The following NUDT3 variants were observed in gnomAD, a reference collection of about 807,000 sequenced individuals.
The protein encoded by NUDT3 is diphosphoinositol polyphosphate phosphohydrolase 1.
Under a neutral mutation model 23.6 loss-of-function variants are expected in NUDT3, and 9 were observed. That is an observed-to-expected ratio of 0.38 (90% CI 0.23 to 0.66). The LOEUF (loss-of-function observed/expected upper bound fraction) is 0.66. Ranked by LOEUF, NUDT3 falls within the 30% of genes least tolerant of loss-of-function variation. The pLI is 0.52. For missense variants in NUDT3, 172 were observed against 218.5 expected (o/e 0.79, Z 1.34); for synonymous variants, 86 against 82.6 (o/e 1.04, Z -0.22).
rs957166787 is a variant in NUDT3 at position 34,382,072 on chromosome 6, CAAAAAAAAAAA to C, written c.99+10181_99+10191del. Among the ~76,000 whole-genome samples the C allele has an allele frequency of 1.6e-3, 57 of 34,958 alleles. 2 individuals are homozygous for C. In the East Asian group the frequency reaches 0.047, roughly 29 times the overall value. The allele number at this position is 34,958 out of a possible 152,430, so 22.9% of individuals were successfully genotyped here. ...TGAGCGACAGAGCGAGACTCTATCT[CAAAAAAAAAAA>C]AAAAAAAAAAAAAAAATTAAATAAT... On this transcript the variant is annotated intron_variant, in intron 1 of 4. Coordinates refer to ENST00000607016, the MANE Select transcript of NUDT3 (RefSeq NM_006703.4).
At chr6:34,391,227 C>T (rs73403959) in intron 1 of NUDT3, among the ~76,000 whole-genome samples, 1,657 of 152,292 alleles carry the variant, frequency 0.011, 23 homozygotes, top group African/African-American at 0.036. Context: ...CTGCACTGTA[C>T]TGCGGCCCTG....
intron 1 of NUDT3, among the ~76,000 whole-genome samples, chr6:34,372,513 G>C (rs555825859): frequency 1.4e-4 from 21 of 151,892 alleles, no homozygotes; most frequent in Non-Finnish European, 2.5e-4. Context: ...TTTTTTTTAA[G>C]TGTACTTTGT....
rs1410483121 is a variant in NUDT3 at position 34,282,963 on chromosome 6, C to T, written c.*5790G>A. The stretch of plus-strand genomic sequence containing the variant: ...TTTTGTTGGCTAAAAGCACTTTCTT[C>T]AGCATTCTGAGTTAACACGGGTTCC... On this transcript the variant is annotated 3_prime_UTR_variant, in exon 5 of 5. Coordinates refer to ENST00000607016, the MANE Select transcript of NUDT3 (RefSeq NM_006703.4). 6.6e-6 allele frequency: 1 copy of T among 152,182 alleles called. No individual in the cohort carries two copies. Among genetic ancestry groups the T allele is most frequent in the Non-Finnish European group, 1.5e-5 (1 of 68,028 alleles). The allele number at this position is 152,182 out of a possible 1,614,324, so 9.4% of individuals were successfully genotyped here. A position where few individuals can be genotyped will look rare whatever the true frequency, so the allele number is the denominator to read the frequency against.
At chr6:34,344,773 TC>T (rs1266241890) in intron 1 of NUDT3, among the ~76,000 whole-genome samples, 9 of 151,694 alleles carry the variant, frequency 5.9e-5, no homozygotes, top group Admixed American at 2.0e-4. Flanking sequence ...TGCCTCAGCC[TC>T]CCGAGTAGCT....
rs1361443878 is a variant in NUDT3 at position 34,284,294 on chromosome 6, T to C, written c.*4459A>G. ...TGTTTTGTAAAGATGAGGGTTATTT[T>C]CTGAAATGCAGATGGGACTAGGATG... On this transcript the variant is annotated 3_prime_UTR_variant, in exon 5 of 5. Transcript: ENST00000607016. 1 of 152,208 alleles carries C rather than the reference T, an allele frequency of 6.6e-6. No homozygotes were observed. Among genetic ancestry groups the C allele is most frequent in the Non-Finnish European group, 1.5e-5 (1 of 68,048 alleles). 9.4% of individuals were successfully genotyped at this position (152,208 alleles called of 1,614,324 possible). A position where few individuals can be genotyped will look rare whatever the true frequency, so the allele number is the denominator to read the frequency against.
chr6:34,370,216 G>A (rs771585385), intron 1 of NUDT3, among the ~76,000 whole-genome samples: 2 of 152,132 alleles, frequency 1.3e-5, no homozygotes, highest in Admixed American at 1.3e-4. Flanking sequence ...TATGCTCTAT[G>A]AATCTAAACC....
chr6:34,383,014 C>G (rs1314206235), intron 1 of NUDT3, among the ~76,000 whole-genome samples: 2 of 151,538 alleles, frequency 1.3e-5, no homozygotes, highest in Non-Finnish European at 2.9e-5. Context: ...GTAATCCCAG[C>G]TACTCGGGAG....
intron 2 of NUDT3, among the ~76,000 whole-genome samples, chr6:34,318,106 C>T (rs1177901641): frequency 6.6e-6 from 1 of 152,118 alleles, no homozygotes; most frequent in Non-Finnish European, 1.5e-5. Context: ...CTTTCATTTC[C>T]TTGTACCCAA....
At chr6:34,333,830 C>T (rs1175421439) in intron 2 of NUDT3, among the ~76,000 whole-genome samples, 1 of 152,250 alleles carries the variant, frequency 6.6e-6, no homozygotes, top group Non-Finnish European at 1.5e-5. Context: ...TGTGACCTGG[C>T]AGCTCTGCCC....
chr6:34,305,569 T>C lies in NUDT3; in HGVS notation c.211-9884A>G, dbSNP rs189241441. Among the ~76,000 whole-genome samples, 3 of 152,358 alleles carry C rather than the reference T, an allele frequency of 2.0e-5. No homozygotes were observed. The East Asian group carries it at 5.8e-4, about 29-fold the overall frequency. ...TTTCTACCCCTTTCCTTGTTATTTC[T>C]GTCCCTTTACTTCCTTTGGGCTTGC... is the stretch of plus-strand genomic sequence containing the variant. On this transcript the variant is annotated intron_variant, in intron 2 of 4. Transcript: ENST00000607016.
chr6:34,299,803 T>TGAGG (rs1234048403), intron 2 of NUDT3, among the ~76,000 whole-genome samples: 4 of 150,182 alleles, frequency 2.7e-5, no homozygotes, highest in Admixed American at 2.7e-4. Context: ...TTCAGGTGGG[T>TGAGG]GAGGCAGGAG....
At chr6:34,387,889 G>C (rs1765134010) in intron 1 of NUDT3, among the ~76,000 whole-genome samples, 1 of 152,116 alleles carries the variant, frequency 6.6e-6, no homozygotes, top group East Asian at 1.9e-4. Context: ...AACCTAAGCT[G>C]TACAGTGTTT....
intron 2 of NUDT3, among the ~76,000 whole-genome samples, chr6:34,339,006 T>C (rs2113732761): frequency 6.6e-6 from 1 of 152,292 alleles, no homozygotes. Flanking sequence ...AAAACCACAT[T>C]GCAGAACTGG....
At chr6:34,295,554 C>T in intron 3 of NUDT3, 87 bp downstream of exon 3, 2 of 1,467,488 alleles carry the variant, frequency 1.4e-6, no homozygotes. Flanking sequence ...AAAAAACTCG[C>T]TGAAACAGAA....
chr6:34,340,556 C>T (rs1764272887), intron 2 of NUDT3, among the ~76,000 whole-genome samples: 1 of 152,110 alleles, frequency 6.6e-6, no homozygotes, highest in African/African-American at 2.4e-5. Context: ...TTCATTACAC[C>T]CTCTCTTGAT....
chr6:34,336,680 T>C (rs111510526), intron 2 of NUDT3, among the ~76,000 whole-genome samples: 2,037 of 152,270 alleles, frequency 0.013, 23 homozygotes, highest in Non-Finnish European at 0.023. Flanking sequence ...TGTTTACTTG[T>C]AGTAGTTTTT....
intron 1 of NUDT3, among the ~76,000 whole-genome samples, chr6:34,364,466 C>CA (rs1358343494): frequency 6.6e-6 from 1 of 152,130 alleles, no homozygotes; most frequent in Non-Finnish European, 1.5e-5. Context: ...GTGCTACTGA[C>CA]AGTTTCTAAA....
At chr6:34,316,568 C>T (rs1297795264) in intron 2 of NUDT3, among the ~76,000 whole-genome samples, 1 of 152,160 alleles carries the variant, frequency 6.6e-6, no homozygotes, top group Non-Finnish European at 1.5e-5. Context: ...AATTTCCCAT[C>T]CTCAGTACCA....
At chr6:34,315,405 GGTTT>G (rs1561904281) in intron 2 of NUDT3, among the ~76,000 whole-genome samples, 4 of 152,226 alleles carry the variant, frequency 2.6e-5, no homozygotes, top group African/African-American at 4.8e-5. Flanking sequence ...AGAGATGAAC[GGTTT>G]ATTTGAAAGC....
Sources: gnomAD v4.1 joint callset for allele counts (sites outside exome capture counted in the v4.1 genomes callset) on GRCh38, gnomAD v4.1.1 for gene constraint, MANE v1.5 for transcripts, NCBI Gene and HGNC (gene_info 2026-07-23, HGNC 2026-07-21) for gene names.